The following SLC37A3 variants were observed in gnomAD, a reference collection of about 807,000 sequenced individuals.
SLC37A3 encodes solute carrier family 37 member 3, also known as sugar phosphate exchanger 3.
In SLC37A3, 51 loss-of-function variants were observed where a neutral mutation model predicts 67.1. That is an observed-to-expected ratio of 0.76 (90% CI 0.61 to 0.96). SLC37A3 has a LOEUF of 0.96. Among genes scored for constraint, SLC37A3 ranks in the 40% least tolerant of loss-of-function variants. SLC37A3 has a pLI of 0.00. For synonymous variants in SLC37A3, 214 were observed against 231.4 expected, an observed-to-expected ratio of 0.92 and a Z score of 0.68; for missense variants, 508 against 603.0, an observed-to-expected ratio of 0.84 and a Z score of 1.65.
At chr7:140,370,068 C>A (rs1468342569) in intron 3 of SLC37A3, among the ~76,000 whole-genome samples, 1 of 151,950 alleles carries the variant, frequency 6.6e-6, no homozygotes, top group Non-Finnish European at 1.5e-5. Context: ...AGAGATTGCA[C>A]CATTGCACTC....
At chr7:140,392,312 C>A (rs981274714) in intron 1 of SLC37A3, among the ~76,000 whole-genome samples, 5 of 152,176 alleles carry the variant, frequency 3.3e-5, no homozygotes, top group African/African-American at 1.2e-4. Flanking sequence ...TATAGTCAAC[C>A]AAGGTAACTA....
chr7:140,388,675 G>C (rs1212576544), intron 1 of SLC37A3, among the ~76,000 whole-genome samples: 1 of 151,976 alleles, frequency 6.6e-6, no homozygotes, highest in Non-Finnish European at 1.5e-5. Flanking sequence ...GTTGGGCGTG[G>C]TAGCGGGCGC....
At chr7:140,369,539 T>G in intron 4 of SLC37A3, 51 bp downstream of exon 4, 2 of 1,500,556 alleles carry the variant, frequency 1.3e-6, no homozygotes, top group Non-Finnish European at 1.8e-6. Flanking sequence ...CTCAGGGTCA[T>G]TTATATTTAC....
intron 4 of SLC37A3, among the ~76,000 whole-genome samples, chr7:140,366,363 C>T (rs865815617): frequency 4.2e-4 from 64 of 152,102 alleles, no homozygotes; most frequent in African/African-American, 1.4e-3. Context: ...CCCTCCTTGG[C>T]CTCCCAAAGT....
At chr7:140,361,693 CG>C (rs1563027694) in intron 5 of SLC37A3, among the ~76,000 whole-genome samples, 1 of 150,162 alleles carries the variant, frequency 6.7e-6, no homozygotes, top group African/African-American at 2.4e-5. Flanking sequence ...CGATTGCAGG[CG>C]CGCGCCGCCA....
intron 13 of SLC37A3, 82 bp from the exon 14 acceptor site, chr7:140,337,431 C>T (rs1585241323): frequency 8.8e-7 from 1 of 1,131,344 alleles, no homozygotes; most frequent in Non-Finnish European, 1.2e-6. Context: ...TTAAACATGG[C>T]TATTTTAGAA....
At chr7:140,352,882 C>T (rs1398607176) in intron 7 of SLC37A3, among the ~76,000 whole-genome samples, 1 of 152,160 alleles carries the variant, frequency 6.6e-6, no homozygotes, top group African/African-American at 2.4e-5. Context: ...GATGTGGACA[C>T]TGAATTTTTA....
At chr7:140,351,558 G>A (rs1796802289) in intron 8 of SLC37A3, 107 bp from the exon 9 acceptor site, 1 of 1,230,358 alleles carries the variant, frequency 8.1e-7, no homozygotes, top group Non-Finnish European at 1.1e-6. Flanking sequence ...CCATTTTACA[G>A]AAGCAGCAAC....
intron 1 of SLC37A3, among the ~76,000 whole-genome samples, chr7:140,394,482 T>G (rs1013348033): frequency 4.6e-5 from 7 of 151,654 alleles, no homozygotes; most frequent in Non-Finnish European, 8.8e-5. Context: ...ATCAGCCAGT[T>G]GTGGTGGCGG....
chr7:140,354,955 G>A (rs1269580459), intron 7 of SLC37A3, among the ~76,000 whole-genome samples: 1 of 151,998 alleles, frequency 6.6e-6, no homozygotes, highest in Non-Finnish European at 1.5e-5. Context: ...ATATTGCCCA[G>A]GCTGATCTTG....
chr7:140,361,382 T>C (rs1797266998), intron 5 of SLC37A3, among the ~76,000 whole-genome samples: 1 of 151,980 alleles, frequency 6.6e-6, no homozygotes, highest in South Asian at 2.1e-4. Context: ...CTCAGGAGGC[T>C]GAGGCATGAG....
At chr7:140,376,526 G>A (rs1798036906) in intron 3 of SLC37A3, among the ~76,000 whole-genome samples, 2 of 152,158 alleles carry the variant, frequency 1.3e-5, no homozygotes, top group Non-Finnish European at 2.9e-5. Context: ...ACACTTGCTC[G>A]ATGTTGAGGT....
intron 3 of SLC37A3, among the ~76,000 whole-genome samples, chr7:140,375,659 G>A (rs909321098): frequency 4.5e-4 from 68 of 152,214 alleles, no homozygotes; most frequent in African/African-American, 1.4e-4. Flanking sequence ...TACGAACTAC[G>A]AAAGAATCAA....
chr7:140,368,789 G>C (rs755931054), intron 4 of SLC37A3, among the ~76,000 whole-genome samples: 3 of 152,018 alleles, frequency 2.0e-5, no homozygotes, highest in Non-Finnish European at 4.4e-5. Context: ...CCACCCTGGA[G>C]GTGTTCTTGA....
chr7:140,351,345 T>C lies in SLC37A3; in HGVS notation c.810A>G (p.Gln270=), dbSNP rs1796789040. The part of the protein sequence containing the change: ...EDEYEPNYSI[Q]DDSSVAQVKA... ...TGACTTGGGCAACAGAACTATCATCTTGGATTGAATAATTCGGCTCATATT... is the reference window on the plus strand; with the variant it reads ...TGACTTGGGCAACAGAACTATCATCCTGGATTGAATAATTCGGCTCATATT... Residue 270 remains glutamine, a synonymous_variant, in exon 9 of 15, where the codon CAA becomes CAG. Coordinates refer to ENST00000326232, the MANE Select transcript of SLC37A3 (RefSeq NM_207113.3). 2 of 1,614,192 alleles carry C rather than the reference T, an allele frequency of 1.2e-6. No homozygotes were observed. Among genetic ancestry groups the C allele is most frequent in the Non-Finnish European group, 1.7e-6 (2 of 1,180,042 alleles).
At chr7:140,364,376 C>CA in intron 5 of SLC37A3, 32 bp downstream of exon 5, 1 of 1,589,016 alleles carries the variant, frequency 6.3e-7, no homozygotes, top group Non-Finnish European at 8.6e-7. Context: ...AATACCTGAC[C>CA]AAAATAATAA....
intron 5 of SLC37A3, among the ~76,000 whole-genome samples, chr7:140,359,082 G>A (rs530201941): frequency 1.1e-4 from 16 of 152,264 alleles, no homozygotes; most frequent in East Asian, 7.7e-4. Context: ...CCGGGCTCAC[G>A]CCTGTAATCT....
In SLC37A3 at chr7:140,379,894, T is replaced by TAAA. The variant is rs34577025; in HGVS notation, c.198+385_198+387dup. On this transcript the variant is annotated intron_variant, in intron 3 of 14. Coordinates refer to ENST00000326232, the MANE Select transcript of SLC37A3 (RefSeq NM_207113.3). ...CTGGGCAACAGAATGATACTCTGTT[T>TAAA]AAAAAAAAAAAAAAAAGTGATATTT... 2.6e-3 allele frequency: 359 copies of TAAA among 138,612 alleles called. 12 individuals carry two copies. In the South Asian group the frequency reaches 0.047, roughly 18 times the overall value. 8.6% of individuals were successfully genotyped at this position (138,612 alleles called of 1,614,324 possible).
intron 13 of SLC37A3, among the ~76,000 whole-genome samples, chr7:140,341,058 C>T (rs1197680734): frequency 6.6e-6 from 1 of 152,130 alleles, no homozygotes. Flanking sequence ...GTCTCAGCCT[C>T]CTAAGTAGTT....
Sources: gnomAD v4.1 joint callset for allele counts (sites outside exome capture counted in the v4.1 genomes callset) on GRCh38, gnomAD v4.1.1 for gene constraint, MANE v1.5 for transcripts, NCBI Gene and HGNC (gene_info 2026-07-23, HGNC 2026-07-21) for gene names.